Variants in OCA2 observed in about 807,000 individuals in gnomAD.
OCA2 encodes the protein P protein.
In OCA2, 77 loss-of-function variants were observed where a neutral mutation model predicts 100.2. The observed-to-expected ratio is 0.77, with a 90% CI of 0.64 to 0.93. The LOEUF is 0.93. OCA2 is among the 40% of genes least tolerant of loss of function. The pLI, the probability that OCA2 is intolerant of heterozygous loss-of-function variation, is 0.00. For synonymous variants in OCA2, 432 were observed against 439.2 expected, an observed-to-expected ratio of 0.98 and a Z score of 0.21; for missense variants, 1,062 against 1,089.1, an observed-to-expected ratio of 0.98 and a Z score of 0.35.
chr15:27,927,952 C>T (rs1447298599), intron 18 of OCA2, among the ~76,000 whole-genome samples: 1 of 151,946 alleles, frequency 6.6e-6, no homozygotes, highest in Non-Finnish European at 1.5e-5. Context: ...CCACCATGCC[C>T]AGCTAATTTT....
the OCA2 span, among the ~76,000 whole-genome samples, chr15:27,742,536 G>C: frequency 6.6e-6 from 1 of 152,130 alleles, no homozygotes; most frequent in African/African-American, 2.4e-5. Flanking sequence ...CAGAGCTGTG[G>C]CCGGTAAGAT....
At chr15:27,760,298 C>T (rs2030730215) in intron 23 of OCA2, among the ~76,000 whole-genome samples, 1 of 151,754 alleles carries the variant, frequency 6.6e-6, no homozygotes, top group Non-Finnish European at 1.5e-5. Flanking sequence ...TTAAAAACTA[C>T]AGCTAACATG....
intron 19 of OCA2, among the ~76,000 whole-genome samples, chr15:27,898,694 G>A (rs2037807136): frequency 6.6e-6 from 1 of 152,122 alleles, no homozygotes; most frequent in Non-Finnish European, 1.5e-5. Context: ...AAAAATACTT[G>A]GGCTTTATTT....
chr15:27,846,939 G>A (rs941609346), intron 22 of OCA2, among the ~76,000 whole-genome samples: 2 of 152,126 alleles, frequency 1.3e-5, no homozygotes, highest in Non-Finnish European at 2.9e-5. Flanking sequence ...TTATGTCATG[G>A]GGGTGACTGC....
chr15:27,895,929 G>A lies in OCA2; in HGVS notation c.2080-24007C>T, dbSNP rs897468377. 3.9e-4 allele frequency: 250 copies of A among 645,640 alleles called. No homozygotes were observed. The Middle Eastern group carries it at 6.4e-3, about 17-fold the overall frequency. 40.0% of individuals were successfully genotyped at this position (645,640 alleles called of 1,614,324 possible). A position where few individuals can be genotyped will look rare whatever the true frequency, so the allele number is the denominator to read the frequency against. ...CGTACAGAAGGGGATATGATAGTAC[G>A]CACAGCATATGCATGTGAACTACGA... On this transcript the variant is annotated intron_variant, in intron 19 of 23. Coordinates refer to ENST00000354638, the MANE Select transcript of OCA2 (RefSeq NM_000275.3).
chr15:27,775,104 CTGTG>C (rs2032127810), intron 23 of OCA2, among the ~76,000 whole-genome samples: 5 of 97,146 alleles, frequency 5.1e-5, no homozygotes, highest in South Asian at 3.2e-4. Flanking sequence ...GTGTGTGTGT[CTGTG>C]TGTTTGTTAA....
intron 23 of OCA2, among the ~76,000 whole-genome samples, chr15:27,774,429 T>G (rs1269117180): frequency 6.6e-6 from 1 of 152,226 alleles, no homozygotes; most frequent in Non-Finnish European, 1.5e-5. Context: ...GTGTAACCTT[T>G]GAACCCAGGT....
Position 27,989,664 on chromosome 15 carries a change from T to C in OCA2, c.1119A>G (p.Arg373=). The change falls in exon 11 of 24, where the codon AGA becomes AGG. Residue 373 remains arginine (R), a splice_region_variant and synonymous_variant. Coordinates refer to ENST00000354638, the MANE Select transcript of OCA2 (RefSeq NM_000275.3). ...ACTCCACCACATGGGTCAGGCTGGGTCTCTGCAATCAAAGCACAAATTTGC... is the reference window on the plus strand; with the variant it reads ...ACTCCACCACATGGGTCAGGCTGGGCCTCTGCAATCAAAGCACAAATTTGC... ...ALAALAVIGD[R]PSLTHVVEWI... 3.1e-6 allele frequency: 5 copies of C among 1,613,940 alleles called. No individual in the cohort carries two copies. Among genetic ancestry groups the C allele is most frequent in the Non-Finnish European group, 4.2e-6 (5 of 1,179,946 alleles).
chr15:27,926,531 A>T (rs1009958178), intron 18 of OCA2, among the ~76,000 whole-genome samples: 3 of 152,176 alleles, frequency 2.0e-5, no homozygotes, highest in African/African-American at 7.2e-5. Context: ...CACTCCCAGT[A>T]AACCATTCAT....
chr15:27,939,939 G>C (rs1423939783), intron 18 of OCA2, among the ~76,000 whole-genome samples: 1 of 152,216 alleles, frequency 6.6e-6, no homozygotes, highest in Non-Finnish European at 1.5e-5. Context: ...GAACCACCCA[G>C]GTCACTGACT....
At chr15:27,775,146 G>A (rs1219965273) in intron 23 of OCA2, among the ~76,000 whole-genome samples, 5 of 151,860 alleles carry the variant, frequency 3.3e-5, no homozygotes, top group South Asian at 2.1e-4. Flanking sequence ...TGGGGCTGGC[G>A]CCCTGGGCCA....
At chr15:27,905,681 G>A (rs182020828) in intron 19 of OCA2, among the ~76,000 whole-genome samples, 5 of 152,346 alleles carry the variant, frequency 3.3e-5, no homozygotes, top group Admixed American at 2.0e-4. Flanking sequence ...GGCAGGAGTC[G>A]GAGGACTGTG....
At chr15:27,860,201 TG>T (rs2036080731) in intron 21 of OCA2, among the ~76,000 whole-genome samples, 1 of 152,170 alleles carries the variant, frequency 6.6e-6, no homozygotes, top group African/African-American at 2.4e-5. Context: ...GGAGCAATTT[TG>T]CAAAACTCAA....
At chr15:27,970,963 T>G (rs1227939796) in intron 14 of OCA2, among the ~76,000 whole-genome samples, 1 of 140,056 alleles carries the variant, frequency 7.1e-6, no homozygotes, top group Admixed American at 7.1e-5. Flanking sequence ...CCTGAAGAAC[T>G]CCCCAGCAAG....
chr15:27,894,829 C>T (rs970704893), intron 19 of OCA2, among the ~76,000 whole-genome samples: 4 of 152,196 alleles, frequency 2.6e-5, no homozygotes, highest in South Asian at 4.1e-4. Flanking sequence ...TGCCTGGTCC[C>T]AACCCAAAAG....
chr15:27,772,556 G>A (rs906669080), intron 23 of OCA2, among the ~76,000 whole-genome samples: 2 of 152,178 alleles, frequency 1.3e-5, no homozygotes, highest in Non-Finnish European at 2.9e-5. Flanking sequence ...AAAATGGAGA[G>A]AACTGGCCGG....
chr15:27,914,055 A>G (rs1444471925), intron 19 of OCA2, among the ~76,000 whole-genome samples: 2 of 152,136 alleles, frequency 1.3e-5, no homozygotes, highest in Non-Finnish European at 1.5e-5. Flanking sequence ...ATTAGGCTCT[A>G]TCTCTTAGAT....
chr15:27,861,563 G>A (rs562061883), intron 21 of OCA2, among the ~76,000 whole-genome samples: 79 of 152,240 alleles, frequency 5.2e-4, no homozygotes, highest in African/African-American at 1.8e-3. Context: ...GTGCAGGGAG[G>A]AGGAGTACCT....
chr15:27,741,142 T>C, the OCA2 span, among the ~76,000 whole-genome samples: 1 of 152,242 alleles, frequency 6.6e-6, no homozygotes, highest in East Asian at 1.9e-4. Flanking sequence ...CAAGACAAAA[T>C]GTCTCTGTCT....
Sources: gnomAD v4.1 joint callset for allele counts (sites outside exome capture counted in the v4.1 genomes callset) on GRCh38, gnomAD v4.1.1 for gene constraint, MANE v1.5 for transcripts, NCBI Gene and HGNC (gene_info 2026-07-23, HGNC 2026-07-21) for gene names.